HPSE2: variants seen among roughly 807,000 people sequenced by gnomAD.
HPSE2 encodes inactive heparanase-2.
Under a neutral mutation model 60.5 loss-of-function variants are expected in HPSE2, and 38 were observed. The observed-to-expected ratio is 0.63, with a 90% CI of 0.48 to 0.82. The LOEUF is 0.82. Ranked by LOEUF, HPSE2 falls within the 40% of genes least tolerant of loss-of-function variation. The pLI is 0.00. For missense variants in HPSE2, 713 were observed against 740.4 expected (o/e 0.96, Z 0.43); for synonymous variants, 295 against 293.2 (o/e 1.01, Z -0.06).
chr10:98,605,370 A>C (rs1352170591), intron 9 of HPSE2, among the ~76,000 whole-genome samples: 2 of 152,198 alleles, frequency 1.3e-5, no homozygotes, highest in Non-Finnish European at 2.9e-5. Flanking sequence ...GGAATCTAAC[A>C]TTATTTTTTA....
intron 9 of HPSE2, among the ~76,000 whole-genome samples, chr10:98,504,884 A>T (rs1942149820): frequency 6.6e-6 from 1 of 151,736 alleles, no homozygotes; most frequent in Admixed American, 6.6e-5. Context: ...TTTATATTTT[A>T]CAGCTTTATC....
intron 11 of HPSE2, among the ~76,000 whole-genome samples, chr10:98,463,032 T>C (rs564269744): frequency 6.8e-4 from 103 of 152,284 alleles, no homozygotes; most frequent in African/African-American, 2.4e-3. Context: ...CTTGGAGTCT[T>C]CTGAGACTTC....
At chr10:98,538,036 G>GC (rs1029474226) in intron 9 of HPSE2, among the ~76,000 whole-genome samples, 12 of 152,118 alleles carry the variant, frequency 7.9e-5, no homozygotes, top group African/African-American at 2.7e-4. Context: ...AAAGGGAAGG[G>GC]CCCCCCATCC....
intron 1 of HPSE2, among the ~76,000 whole-genome samples, chr10:99,232,832 G>A (rs575998372): frequency 1.3e-5 from 2 of 152,250 alleles, no homozygotes; most frequent in Admixed American, 1.3e-4. Context: ...TACGTGCTAC[G>A]AGCACGGCGC....
At chr10:98,981,852 C>T (rs1589457375) in intron 3 of HPSE2, among the ~76,000 whole-genome samples, 1 of 152,098 alleles carries the variant, frequency 6.6e-6, no homozygotes, top group South Asian at 2.1e-4. Context: ...TATTCTTTCC[C>T]ATTTCCCTAA....
intron 6 of HPSE2, among the ~76,000 whole-genome samples, chr10:98,659,237 C>A (rs955449388): frequency 2.0e-5 from 3 of 152,136 alleles, no homozygotes; most frequent in African/African-American, 7.2e-5. Context: ...AAAATCCACA[C>A]ATAGTCAGGT....
intron 3 of HPSE2, among the ~76,000 whole-genome samples, chr10:98,939,582 C>G (rs1954924751): frequency 7.0e-6 from 1 of 143,562 alleles, no homozygotes; most frequent in Non-Finnish European, 1.5e-5. Context: ...ATTCATGAAG[C>G]AAGTCCTGAG....
At chr10:98,982,923 C>A (rs1956241936) in intron 3 of HPSE2, among the ~76,000 whole-genome samples, 1 of 152,142 alleles carries the variant, frequency 6.6e-6, no homozygotes, top group Admixed American at 6.5e-5. Context: ...AAAACAACTG[C>A]CAAGACTAGT....
At chr10:98,682,720 C>T (rs554850816) in intron 6 of HPSE2, among the ~76,000 whole-genome samples, 12 of 152,218 alleles carry the variant, frequency 7.9e-5, no homozygotes, top group African/African-American at 2.9e-4. Flanking sequence ...TGTGTCAAGC[C>T]GTTGTAAGTT....
At chr10:99,132,209 G>GAA (rs1564832994) in intron 3 of HPSE2, among the ~76,000 whole-genome samples, 2 of 20,440 alleles carry the variant, frequency 9.8e-5, no homozygotes, top group African/African-American at 1.5e-4. Context: ...GAGAGAGAGA[G>GAA]AGAGAGAGAG....
In HPSE2 at chr10:98,603,439, G is replaced by GTTGTT. The variant is rs1554951322; in HGVS notation, c.1320+11464_1320+11465insAACAA. ...ATACGCCAGAGCACTCTGTTTTTTT[G>GTTGTT]TTTTTTTTTTTGACAGAGTCTTGCT... is the stretch of plus-strand genomic sequence containing the variant. On this transcript the variant is annotated intron_variant, in intron 9 of 11. Transcript: ENST00000370552. Among the ~76,000 whole-genome samples, 38 of 144,214 alleles carry GTTGTT rather than the reference G, an allele frequency of 2.6e-4. 1 individual carries two copies. The highest frequency in any genetic ancestry group is 1.7e-4 in the Non-Finnish European group (11 of 66,542). The allele number at this position is 144,214 out of a possible 152,430, so 94.6% of individuals were successfully genotyped here.
chr10:98,459,313 A>G lies in HPSE2; in HGVS notation c.*261T>C. The stretch of plus-strand genomic sequence containing the variant: ...GTTTTCATAGTGCACATGAAGGGAA[A>G]CATTCTGCTCTATACACATGCCTTT... On this transcript the variant is annotated 3_prime_UTR_variant, in exon 12 of 12. Coordinates refer to ENST00000370552, the MANE Select transcript of HPSE2 (RefSeq NM_021828.5). The G allele has an allele frequency of 4.0e-6, 2 of 504,634 alleles. No individual in the cohort carries two copies. Among genetic ancestry groups the G allele is most frequent in the South Asian group, 4.1e-5 (2 of 48,326 alleles). The allele number at this position is 504,634 out of a possible 1,614,324, so 31.3% of individuals were successfully genotyped here.
intron 9 of HPSE2, among the ~76,000 whole-genome samples, chr10:98,550,340 C>T (rs1943823067): frequency 6.6e-6 from 1 of 151,586 alleles, no homozygotes; most frequent in African/African-American, 2.4e-5. Context: ...GGTTTGAGTG[C>T]AGTGGCACAG....
intron 3 of HPSE2, among the ~76,000 whole-genome samples, chr10:98,884,954 G>A (rs1222628417): frequency 6.6e-6 from 1 of 152,136 alleles, no homozygotes; most frequent in African/African-American, 2.4e-5. Context: ...AATACATTTT[G>A]TAAGGCCAGA....
the HPSE2 span, among the ~76,000 whole-genome samples, chr10:99,292,748 CT>C: frequency 5.3e-5 from 8 of 152,010 alleles, no homozygotes; most frequent in African/African-American, 1.9e-4. Flanking sequence ...ATTTTACATT[CT>C]TTTTTTCGTA....
chr10:99,127,179 A>C (rs1464994766), intron 3 of HPSE2, among the ~76,000 whole-genome samples: 4 of 152,198 alleles, frequency 2.6e-5, no homozygotes, highest in Non-Finnish European at 5.9e-5. Flanking sequence ...AATTCAGGGG[A>C]TTGATTATTA....
intron 3 of HPSE2, among the ~76,000 whole-genome samples, chr10:99,040,871 G>C (rs1386973633): frequency 2.0e-5 from 3 of 152,140 alleles, no homozygotes; most frequent in Admixed American, 2.0e-4. Flanking sequence ...CGGATCACAA[G>C]ATCAGGAGAT....
chr10:99,063,427 G>C (rs1842512282), intron 3 of HPSE2, among the ~76,000 whole-genome samples: 1 of 151,880 alleles, frequency 6.6e-6, no homozygotes, highest in Admixed American at 6.6e-5. Context: ...CAAACAGGAA[G>C]ATACCACTTT....
intron 3 of HPSE2, 72 bp downstream of exon 3, chr10:99,144,166 A>ACAGAT: frequency 7.2e-7 from 1 of 1,382,508 alleles, no homozygotes; most frequent in South Asian, 1.2e-5. Flanking sequence ...GTGTAGACAG[A>ACAGAT]CAGATGTGTA....
Sources: allele counts gnomAD v4.1 joint callset (sites outside exome capture counted in the v4.1 genomes callset), GRCh38; gene constraint gnomAD v4.1.1; transcripts MANE v1.5; gene names NCBI Gene and HGNC (gene_info 2026-07-23, HGNC 2026-07-21).